JHY: variants seen among roughly 807,000 people sequenced by gnomAD.
The protein encoded by JHY is jhy protein homolog.
In JHY, 69 loss-of-function variants were observed where a neutral mutation model predicts 78.0. That is an observed-to-expected ratio of 0.88 (90% CI 0.73 to 1.08). The LOEUF (loss-of-function observed/expected upper bound fraction) is 1.08, where lower values mean the gene tolerates loss of function less well. Ranked by LOEUF, JHY falls within the 50% of genes least tolerant of loss-of-function variation. The pLI is 0.00. For missense variants in JHY, 944 were observed against 927.8 expected, an observed-to-expected ratio of 1.02 and a Z score of -0.23; for synonymous variants, 368 against 342.6, an observed-to-expected ratio of 1.07 and a Z score of -0.82.
chr11:122,927,136 T>C (rs1328694629), intron 4 of JHY: 4 of 152,200 alleles, frequency 2.6e-5, no homozygotes, highest in Non-Finnish European at 5.9e-5. Context: ...ACTTGAAATA[T>C]AGTCGGCATT....
chr11:122,944,036 T>C (rs952975224), intron 5 of JHY, among the ~76,000 whole-genome samples: 1 of 152,002 alleles, frequency 6.6e-6, no homozygotes, highest in South Asian at 2.1e-4. Flanking sequence ...CAAAACCCTG[T>C]CTCTACAAAA....
intron 8 of JHY, among the ~76,000 whole-genome samples, chr11:122,958,430 C>T (rs138051091): frequency 0.013 from 1,949 of 152,176 alleles, 43 homozygotes; most frequent in African/African-American, 0.045. Flanking sequence ...TCTTTTTTCT[C>T]CAATCCATTT....
rs1864342502 is a variant in JHY at position 122,962,859 on chromosome 11, G to C, written c.*3414G>C. ...TCAGTCCTACTGAGAGTAATGGGAG[G>C]GGAGCCAGGTCTGAATCTCCCATCT... is the stretch of plus-strand genomic sequence containing the variant. On this transcript the variant is annotated 3_prime_UTR_variant, in exon 9 of 9. Coordinates refer to ENST00000227349, the MANE Select transcript of JHY (RefSeq NM_024806.4). Among the ~76,000 whole-genome samples, 1 of 152,074 alleles carries C rather than the reference G, an allele frequency of 6.6e-6. No individual in the cohort carries two copies. The highest frequency in any genetic ancestry group is 2.4e-5 in the African/African-American group (1 of 41,406).
chr11:122,899,770 C>T (rs763528355), intron 2 of JHY, among the ~76,000 whole-genome samples: 5 of 152,146 alleles, frequency 3.3e-5, no homozygotes, highest in Admixed American at 6.6e-5. Flanking sequence ...CTCATTCAGT[C>T]CTGAGAAATA....
intron 2 of JHY, among the ~76,000 whole-genome samples, chr11:122,896,458 A>G (rs1862743168): frequency 6.6e-6 from 1 of 152,074 alleles, no homozygotes. Context: ...TCTTTCAGCA[A>G]TTGTTAAAAT....
chr11:122,946,442 T>A, intron 5 of JHY, 56 bp from the exon 6 acceptor site: 1 of 1,497,076 alleles, frequency 6.7e-7, no homozygotes, highest in Non-Finnish European at 8.9e-7. Flanking sequence ...TTATGCTAGA[T>A]GTCTTATGTA....
rs1863727410 is a variant in JHY, at chr11:122,935,199, T to C, written c.1634+124T>C. On this transcript the variant is annotated intron_variant, in intron 5 of 8. Coordinates refer to ENST00000227349, the MANE Select transcript of JHY (RefSeq NM_024806.4). The surrounding 1 kb of genome is among the most constrained non-coding windows in gnomAD (Gnocchi z 4.5). Reference sequence around the variant, plus strand: ...GGCTAGGTGAGAAGAAGAGTTCACCTAACAACTTCCTTAGCTCTGATTCCT... The same window carrying C: ...GGCTAGGTGAGAAGAAGAGTTCACCCAACAACTTCCTTAGCTCTGATTCCT... 1.2e-6 allele frequency: 1 copy of C among 845,266 alleles called. No individual in the cohort carries two copies. The highest frequency in any genetic ancestry group is 2.3e-5 in the South Asian group (1 of 43,862). 52.4% of individuals were successfully genotyped at this position (845,266 alleles called of 1,614,324 possible). A position where few individuals can be genotyped will look rare whatever the true frequency, so the allele number is the denominator to read the frequency against.
rs1254036535 is a variant in JHY, at chr11:122,959,291, A to C, written c.2183A>C (p.Asn728Thr). The change falls in exon 9 of 9, where the codon AAT becomes ACT. Residue 728 changes from asparagine (N) to threonine (T), a missense_variant. Physicochemically the swap from Asn to Thr is moderately conservative, Grantham distance 65. Coordinates refer to ENST00000227349, the MANE Select transcript of JHY (RefSeq NM_024806.4). ...ACCATCCCCAAACCCAAACCATCAA[A>C]TCTGACTCATCAAGCATCAAAGGAA... Reference protein sequence around the residue: ...AKTIPKPKPSNLTHQASKEQK... With the variant: ...AKTIPKPKPSTLTHQASKEQK... The C allele has an allele frequency of 6.8e-6, 11 of 1,614,214 alleles. No homozygotes were observed. The highest frequency in any genetic ancestry group is 8.5e-6 in the Non-Finnish European group (10 of 1,180,034).
chr11:122,937,979 C>T (rs1395106320), intron 5 of JHY, among the ~76,000 whole-genome samples: 1 of 151,938 alleles, frequency 6.6e-6, no homozygotes, highest in African/African-American at 2.4e-5. Context: ...AATCTGAAGC[C>T]ACCTTATTCC....
chr11:122,925,069 T>A, intron 4 of JHY, 59 bp downstream of exon 4: 1 of 1,283,294 alleles, frequency 7.8e-7, no homozygotes, highest in African/African-American at 1.5e-5. Flanking sequence ...ATATAAGTAA[T>A]GATCGTGACT....
rs1863734086 is a variant in JHY at position 122,935,479 on chromosome 11, C to A, written c.1634+404C>A. 6.6e-6 allele frequency among the ~76,000 whole-genome samples: 1 copy of A among 152,164 alleles called. No homozygotes were observed. Among genetic ancestry groups the A allele is most frequent in the Non-Finnish European group, 1.5e-5 (1 of 68,030 alleles). The stretch of plus-strand genomic sequence containing the variant: ...CGAACTCCTGACCTCAAGTAATCCA[C>A]CCGCCTTGGCCTCCCAAAGTGCTGA... On this transcript the variant is annotated intron_variant, in intron 5 of 8. Transcript: ENST00000227349. This position sits in a 1 kb window ranked among gnomAD's most constrained non-coding sequence, Gnocchi z 4.5.
chr11:122,886,978 A>T (rs944218444), intron 2 of JHY, among the ~76,000 whole-genome samples: 6 of 152,346 alleles, frequency 3.9e-5, no homozygotes, highest in African/African-American at 1.4e-4. Flanking sequence ...AGCTACCAAA[A>T]AAAAGTAAGG....
intron 3 of JHY, among the ~76,000 whole-genome samples, chr11:122,909,604 A>G (rs1431196753): frequency 6.6e-6 from 1 of 151,976 alleles, no homozygotes; most frequent in East Asian, 1.9e-4. Context: ...ACATTGTGAA[A>G]CCCATGTATA....
rs5795359 is a variant in JHY at position 122,940,821 on chromosome 11, C to CTCCTTCCT, written c.1635-5658_1635-5651dup. On this transcript the variant is annotated intron_variant, in intron 5 of 8. Coordinates refer to ENST00000227349, the MANE Select transcript of JHY (RefSeq NM_024806.4). ...ATAAGACCTTTTCCTCTTCCTTTTT[C>CTCCTTCCT]TCCTTCCTTCCTTCCTTCCTTCCTT... 2.3e-4 allele frequency among the ~76,000 whole-genome samples: 35 copies of CTCCTTCCT among 150,200 alleles called. 1 individual carries two copies. The highest frequency in any genetic ancestry group is 7.9e-4 in the African/African-American group (32 of 40,686).
chr11:122,901,612 G>C (rs1000738345), intron 2 of JHY, among the ~76,000 whole-genome samples: 1 of 151,856 alleles, frequency 6.6e-6, no homozygotes, highest in African/African-American at 2.4e-5. Context: ...GGTGGCTCAC[G>C]CCTGTAATCC....
At chr11:122,953,550 C>T (rs921221177) in intron 6 of JHY, among the ~76,000 whole-genome samples, 2 of 147,548 alleles carry the variant, frequency 1.4e-5, no homozygotes, top group East Asian at 2.0e-4. Context: ...TGCAGTGAGC[C>T]GAGATTGCAC....
At chr11:122,957,721 T>G (rs775022804) in intron 8 of JHY, among the ~76,000 whole-genome samples, 1 of 151,770 alleles carries the variant, frequency 6.6e-6, no homozygotes, top group Non-Finnish European at 1.5e-5. Flanking sequence ...CCTTCCCATT[T>G]TTTTGGAACG....
chr11:122,905,542 G>A (rs1862970559), intron 3 of JHY: 2 of 1,084,374 alleles, frequency 1.8e-6, no homozygotes, highest in Non-Finnish European at 1.1e-6. Flanking sequence ...GAACATTTGT[G>A]GCTTTTCTTC....
chr11:122,905,580 T>C (rs889457420), intron 3 of JHY: 1 of 1,016,612 alleles, frequency 9.8e-7, no homozygotes, highest in African/African-American at 1.7e-5. Flanking sequence ...TCTTAAAGAA[T>C]TACGTCTGGT....
Sources: gnomAD v4.1 joint callset for allele counts (sites outside exome capture counted in the v4.1 genomes callset) on GRCh38, gnomAD v4.1.1 for gene constraint, Gnocchi (gnomAD v3.1) non-coding constraint, MANE v1.5 for transcripts, NCBI Gene and HGNC (gene_info 2026-07-23, HGNC 2026-07-21) for gene names.